The following MTUS2 variants were observed in gnomAD, a reference collection of about 807,000 sequenced individuals.
MTUS2 encodes microtubule associated scaffold protein 2, also known as microtubule-associated tumor suppressor candidate 2.
In MTUS2, 40 loss-of-function variants were observed where a neutral mutation model predicts 114.1. The ratio of observed to expected loss-of-function variants is 0.35; its 90% confidence interval spans 0.27 to 0.46. The LOEUF (loss-of-function observed/expected upper bound fraction) is 0.46. Ranked by LOEUF, MTUS2 falls within the 20% of genes least tolerant of loss-of-function variation. The pLI, the probability that MTUS2 is intolerant of heterozygous loss-of-function variation, is 1.00. For missense variants in MTUS2, 1,679 were observed against 1,705.4 expected (o/e 0.98, Z 0.27); for synonymous variants, 688 against 672.0 (o/e 1.02, Z -0.37).
chr13:29,428,014 T>G (rs1324625009), intron 8 of MTUS2, among the ~76,000 whole-genome samples: 1 of 152,252 alleles, frequency 6.6e-6, no homozygotes, highest in African/African-American at 2.4e-5. Context: ...AAGGCTTTTA[T>G]GCCAGTTTGC....
At chr13:28,894,492 T>G (rs186227680) in intron 2 of MTUS2, among the ~76,000 whole-genome samples, 214 of 152,164 alleles carry the variant, frequency 1.4e-3, no homozygotes, top group African/African-American at 4.4e-3. Context: ...TGGACTTCCA[T>G]CCTCAAGAAC....
At chr13:29,502,928 G>T in intron 15 of MTUS2, 65 bp from the exon 16 acceptor site, 1 of 1,532,030 alleles carries the variant, frequency 6.5e-7, no homozygotes, top group Non-Finnish European at 9.0e-7. Context: ...CTGCACCATT[G>T]TCCTGACCTC....
chr13:29,286,829 T>G (rs1898512443), intron 6 of MTUS2, among the ~76,000 whole-genome samples: 1 of 152,180 alleles, frequency 6.6e-6, no homozygotes, highest in African/African-American at 2.4e-5. Context: ...TAGCTGTGAT[T>G]ACAGGCGTGT....
intron 2 of MTUS2, among the ~76,000 whole-genome samples, chr13:28,915,445 C>A (rs540156484): frequency 6.6e-6 from 1 of 152,036 alleles, no homozygotes; most frequent in South Asian, 2.1e-4. Context: ...TGCTCCATAT[C>A]CTCACTAGGA....
rs532639714 is a variant in MTUS2 at position 28,953,317 on chromosome 13, C to T, written c.-242-71140C>T. 4.6e-5 allele frequency among the ~76,000 whole-genome samples: 7 copies of T among 151,972 alleles called. No individual in the cohort carries two copies. In the East Asian group the frequency reaches 9.7e-4, roughly 21 times the overall value. ...TGAGGTCAGTAGTTTGAGACCAGCC[C>T]GGCCAACATGGTAAAACCCCATCTC... On this transcript the variant is annotated intron_variant, in intron 2 of 15. Transcript: ENST00000612955.
chr13:29,269,986 A>G (rs913294505), intron 5 of MTUS2, among the ~76,000 whole-genome samples: 1 of 152,118 alleles, frequency 6.6e-6, no homozygotes, highest in Non-Finnish European at 1.5e-5. Flanking sequence ...TCTCAACTAC[A>G]TGGGGTATCT....
chr13:29,359,753 G>T (rs1870072919), intron 8 of MTUS2, among the ~76,000 whole-genome samples: 1 of 152,184 alleles, frequency 6.6e-6, no homozygotes. Context: ...GGATATACAG[G>T]AACATTTTTG....
In MTUS2 at chr13:29,122,554, C is replaced by T. The variant is rs115549937; in HGVS notation, c.2644+21584C>T. ...GATTCAGTTACCTCTCACTGGGGCC[C>T]TCCCATGACATGTGGGAATTGTGGG... is the stretch of plus-strand genomic sequence containing the variant. On this transcript the variant is annotated intron_variant, in intron 5 of 15. Transcript: ENST00000612955. Among the ~76,000 whole-genome samples, 1,192 of 152,188 alleles carry T rather than the reference C, an allele frequency of 7.8e-3. 20 individuals are homozygous for T. Among genetic ancestry groups the T allele is most frequent in the African/African-American group, 0.027 (1,138 of 41,472 alleles).
At chr13:28,876,172 G>T (rs972786440) in intron 2 of MTUS2, among the ~76,000 whole-genome samples, 2 of 152,164 alleles carry the variant, frequency 1.3e-5, no homozygotes, top group Admixed American at 1.3e-4. Flanking sequence ...TTCCCAGTTG[G>T]AGATGAGTGA....
At position 29,238,180 on chromosome 13, in the gene MTUS2, C is replaced by T. The variant is rs565989933; in HGVS notation, c.2645-43524C>T. On this transcript the variant is annotated intron_variant, in intron 5 of 15. Transcript: ENST00000612955. ...ACAACCTAATGTCCATTGACAGATA[C>T]GTGAATTAAAAAATATAGCATACAA... Among the ~76,000 whole-genome samples the T allele has an allele frequency of 7.9e-5, 12 of 152,146 alleles. No individual in the cohort carries two copies. The South Asian group carries it at 1.9e-3, about 24-fold the overall frequency.
At chr13:29,381,565 G>A (rs1328301180) in intron 8 of MTUS2, among the ~76,000 whole-genome samples, 2 of 152,128 alleles carry the variant, frequency 1.3e-5, no homozygotes, top group East Asian at 1.9e-4. Context: ...GCCTTGTGTG[G>A]GCACTGCCAT....
At chr13:28,844,075 A>G (rs1396606523) in intron 2 of MTUS2, among the ~76,000 whole-genome samples, 1 of 152,240 alleles carries the variant, frequency 6.6e-6, no homozygotes, top group Non-Finnish European at 1.5e-5. Flanking sequence ...CAAATGTTGT[A>G]TGAGTTATTG....
At chr13:29,095,801 A>C (rs943454569) in intron 4 of MTUS2, among the ~76,000 whole-genome samples, 1 of 149,314 alleles carries the variant, frequency 6.7e-6, no homozygotes. Context: ...CTTTTTTAAC[A>C]CTAAACTTTC....
At chr13:28,929,920 A>G (rs1292641983) in intron 2 of MTUS2, among the ~76,000 whole-genome samples, 3 of 152,038 alleles carry the variant, frequency 2.0e-5, no homozygotes, top group African/African-American at 4.8e-5. Context: ...AACTCTGGTG[A>G]CCTGTGGAGG....
At chr13:29,331,153 TC>T (rs1900760128) in intron 7 of MTUS2, among the ~76,000 whole-genome samples, 1 of 152,202 alleles carries the variant, frequency 6.6e-6, no homozygotes, top group African/African-American at 2.4e-5. Context: ...GTCCTTCACA[TC>T]CCTTGTAAGT....
intron 9 of MTUS2, among the ~76,000 whole-genome samples, chr13:29,456,234 C>T (rs769829176): frequency 6.6e-6 from 1 of 152,066 alleles, no homozygotes; most frequent in Non-Finnish European, 1.5e-5. Flanking sequence ...CACCGATGGG[C>T]TTTTAAGCAG....
chr13:29,077,004 A>G (rs1889221796), intron 4 of MTUS2, among the ~76,000 whole-genome samples: 1 of 152,230 alleles, frequency 6.6e-6, no homozygotes, highest in South Asian at 2.1e-4. Context: ...ATTGTAATGA[A>G]TAGATGGTTT....
rs182991907 is a variant in MTUS2 at position 28,948,949 on chromosome 13, C to T, written c.-242-75508C>T. 1.1e-3 allele frequency among the ~76,000 whole-genome samples: 166 copies of T among 152,274 alleles called. 1 individual carries two copies. Among genetic ancestry groups the T allele is most frequent in the African/African-American group, 3.6e-3 (149 of 41,554 alleles). On this transcript the variant is annotated intron_variant, in intron 2 of 15. Coordinates refer to ENST00000612955, the MANE Select transcript of MTUS2 (RefSeq NM_001033602.4). ...CTTAAGGTTGTTCTGGGAGGGCTACCAATTTGTAAATCTCAGAAGTTGCTT... is the reference window on the plus strand; with the variant it reads ...CTTAAGGTTGTTCTGGGAGGGCTACTAATTTGTAAATCTCAGAAGTTGCTT...
intron 2 of MTUS2, among the ~76,000 whole-genome samples, chr13:28,928,582 G>A (rs1286265786): frequency 6.6e-6 from 1 of 152,110 alleles, no homozygotes; most frequent in East Asian, 1.9e-4. Flanking sequence ...TGGCTTTTAT[G>A]TAAAAGAAAA....
Sources: allele counts gnomAD v4.1 joint callset (sites outside exome capture counted in the v4.1 genomes callset), GRCh38; gene constraint gnomAD v4.1.1; transcripts MANE v1.5; gene names NCBI Gene and HGNC (gene_info 2026-07-23, HGNC 2026-07-21).